The following APBB2 variants were observed in gnomAD, a reference collection of about 807,000 sequenced individuals.
APBB2 encodes Fe65-like 1.
Under a neutral mutation model 82.5 loss-of-function variants are expected in APBB2, and 38 were observed. The ratio of observed to expected loss-of-function variants is 0.46; its 90% CI spans 0.36 to 0.60. The LOEUF (loss-of-function observed/expected upper bound fraction) is 0.60. Among genes scored for constraint, APBB2 ranks in the 20% least tolerant of loss-of-function variants. The pLI, the probability that APBB2 is intolerant of heterozygous loss-of-function variation, is 0.00. For synonymous variants in APBB2, 341 were observed against 368.2 expected (o/e 0.93, Z 0.85); for missense variants, 772 against 972.3 (o/e 0.79, Z 2.74).
At chr4:41,049,338 G>T (rs1724887819) in intron 4 of APBB2, among the ~76,000 whole-genome samples, 1 of 89,918 alleles carries the variant, frequency 1.1e-5, no homozygotes, top group African/African-American at 4.3e-5. Context: ...AGTGAGGAGC[G>T]TCTCCGACCG....
chr4:41,152,112 C>T (rs963528396), intron 1 of APBB2, among the ~76,000 whole-genome samples: 1 of 151,880 alleles, frequency 6.6e-6, no homozygotes, highest in Non-Finnish European at 1.5e-5. Context: ...TATTTCTAAT[C>T]TAATTTATTT....
chr4:41,058,528 T>C (rs931620587), intron 4 of APBB2, among the ~76,000 whole-genome samples: 3 of 152,232 alleles, frequency 2.0e-5, no homozygotes, highest in African/African-American at 7.2e-5. Context: ...TGGGTTCACA[T>C]GCCATGTAAA....
chr4:40,911,064 G>T (rs1304344383), intron 10 of APBB2, among the ~76,000 whole-genome samples: 1 of 152,248 alleles, frequency 6.6e-6, no homozygotes, highest in Non-Finnish European at 1.5e-5. Context: ...CTTCCCCTGT[G>T]TCTTGGCTTT....
intron 6 of APBB2, among the ~76,000 whole-genome samples, chr4:40,982,587 A>G (rs1443037621): frequency 6.6e-6 from 1 of 151,872 alleles, no homozygotes; most frequent in Non-Finnish European, 1.5e-5. Context: ...TGGGGACCAC[A>G]GTGAAACCCC....
intron 1 of APBB2, among the ~76,000 whole-genome samples, chr4:41,168,776 G>T (rs570850910): frequency 6.6e-6 from 1 of 152,266 alleles, no homozygotes; most frequent in South Asian, 2.1e-4. Flanking sequence ...TTTAAACTTA[G>T]TTGAGTGAAA....
intron 4 of APBB2, among the ~76,000 whole-genome samples, chr4:41,052,770 CTTCTT>C (rs1235591259): frequency 9.5e-6 from 1 of 105,776 alleles, no homozygotes; most frequent in East Asian, 2.0e-4. Flanking sequence ...TTCTTTCTTT[CTTCTT>C]TTTTTTTTTT....
chr4:41,077,494 A>T (rs1476074501), intron 3 of APBB2, among the ~76,000 whole-genome samples: 1 of 152,222 alleles, frequency 6.6e-6, no homozygotes, highest in Non-Finnish European at 1.5e-5. Context: ...GCATCCAAAA[A>T]GAAAAGAAAC....
chr4:40,863,289 C>T (rs1763222876), intron 12 of APBB2, among the ~76,000 whole-genome samples: 1 of 152,200 alleles, frequency 6.6e-6, no homozygotes. Flanking sequence ...TTCTGAGGGT[C>T]ATATCACAAC....
At chr4:40,843,230 C>G (rs1756462793) in intron 12 of APBB2, among the ~76,000 whole-genome samples, 2 of 152,216 alleles carry the variant, frequency 1.3e-5, no homozygotes, top group Admixed American at 1.3e-4. Context: ...CCAATGTTTA[C>G]AGAAACCCGT....
chr4:40,869,788 T>C (rs1268369742), intron 12 of APBB2, among the ~76,000 whole-genome samples: 1 of 152,158 alleles, frequency 6.6e-6, no homozygotes, highest in Non-Finnish European at 1.5e-5. Context: ...TATAATTGCT[T>C]ACTTTTCTTA....
At chr4:41,208,703 A>G (rs978393620) in intron 1 of APBB2, among the ~76,000 whole-genome samples, 1 of 152,246 alleles carries the variant, frequency 6.6e-6, no homozygotes, top group African/African-American at 2.4e-5. Flanking sequence ...TTTCCACAAG[A>G]GGAAAAGAGA....
At position 40,887,824 on chromosome 4, in the gene APBB2, C is replaced by T. The variant is rs368477718; in HGVS notation, c.1529+2540G>A. ...CCTGAGCGTATTTCGAAATTACACTCATCTGCTGACACTGAGTGAGAATAA... is the reference window on the plus strand; with the variant it reads ...CCTGAGCGTATTTCGAAATTACACTTATCTGCTGACACTGAGTGAGAATAA... On this transcript the variant is annotated intron_variant, in intron 12 of 17. Coordinates refer to ENST00000508593, the MANE Select transcript of APBB2 (RefSeq NM_004307.2). Among the ~76,000 whole-genome samples, 33 of 152,324 alleles carry T rather than the reference C, an allele frequency of 2.2e-4. No individual in the cohort carries two copies. The East Asian group carries it at 6.0e-3, about 28-fold the overall frequency.
chr4:41,203,485 T>C (rs1165077915), intron 1 of APBB2, among the ~76,000 whole-genome samples: 1 of 152,206 alleles, frequency 6.6e-6, no homozygotes, highest in Non-Finnish European at 1.5e-5. Flanking sequence ...TTCACATATT[T>C]TCTGCTCAAA....
intron 1 of APBB2, among the ~76,000 whole-genome samples, chr4:41,196,571 T>A: frequency 6.6e-6 from 1 of 151,346 alleles, no homozygotes; most frequent in African/African-American, 2.4e-5. Flanking sequence ...TGGTCTTTGC[T>A]GTTCCTGTCG....
rs536592093 is a variant in APBB2, at chr4:41,016,097, C to T, written c.20-1699G>A. The stretch of plus-strand genomic sequence containing the variant: ...GAGACACATATCCAGAGCATAGATA[C>T]ATGAGAGAAAGTTATTTTTAGACTC... On this transcript the variant is annotated intron_variant, in intron 5 of 17. Coordinates refer to ENST00000508593, the MANE Select transcript of APBB2 (RefSeq NM_004307.2). Among the ~76,000 whole-genome samples the T allele has an allele frequency of 1.2e-4, 19 of 152,260 alleles. 1 individual carries two copies. In the East Asian group the frequency reaches 2.7e-3, roughly 22 times the overall value.
intron 12 of APBB2, among the ~76,000 whole-genome samples, chr4:40,845,912 G>A (rs562983730): frequency 2.3e-4 from 34 of 149,350 alleles, no homozygotes; most frequent in Admixed American, 4.8e-4. Context: ...TTTACATCAT[G>A]AAAATTCTTG....
At chr4:41,033,338 T>C in intron 4 of APBB2, 34 bp from the exon 5 acceptor site, 2 of 1,324,862 alleles carry the variant, frequency 1.5e-6, no homozygotes, top group Non-Finnish European at 1.0e-6. Context: ...AAATTAAAAC[T>C]CCAAATAACA....
At chr4:40,969,092 C>T (rs1003341492) in intron 6 of APBB2, among the ~76,000 whole-genome samples, 4 of 152,240 alleles carry the variant, frequency 2.6e-5, no homozygotes, top group South Asian at 4.1e-4. Context: ...TGTGAGTCCA[C>T]TAAACCTCTT....
chr4:41,104,258 C>T (rs1257452102), intron 2 of APBB2, among the ~76,000 whole-genome samples: 1 of 152,132 alleles, frequency 6.6e-6, no homozygotes, highest in African/African-American at 2.4e-5. Flanking sequence ...AAAATTTTCC[C>T]AATAACAAAA....
Sources: gnomAD v4.1 joint callset for allele counts (sites outside exome capture counted in the v4.1 genomes callset) on GRCh38, gnomAD v4.1.1 for gene constraint, MANE v1.5 for transcripts, NCBI Gene and HGNC (gene_info 2026-07-23, HGNC 2026-07-21) for gene names.